The following ITGA3 variants were observed in gnomAD, a reference collection of about 807,000 sequenced individuals.
ITGA3 encodes the protein integrin subunit alpha 3.
A neutral mutation model predicts 131.1 loss-of-function variants in ITGA3; 70 were observed. The ratio of observed to expected loss-of-function variants is 0.53; its 90% CI spans 0.44 to 0.65. ITGA3 has a LOEUF of 0.65. Ranked by LOEUF, ITGA3 falls within the 30% of genes least tolerant of loss-of-function variation. ITGA3 has a pLI of 0.00. For missense variants in ITGA3, 1,098 were observed against 1,388.6 expected (o/e 0.79, Z 3.33); for synonymous variants, 537 against 571.6 (o/e 0.94, Z 0.86).
At position 50,089,228 on chromosome 17, in the gene ITGA3, G is replaced by A; in HGVS notation, c.*150G>A. 6.2e-7 allele frequency: 1 copy of A among 1,613,676 alleles called. No homozygotes were observed. Among genetic ancestry groups the A allele is most frequent in the Admixed American group, 1.7e-5 (1 of 60,018 alleles). ...AGCACCCTGCCCACCAAGAAGCACT[G>A]GGTGACCAGCTGGCAGACTCGGGAC... On this transcript the variant is annotated 3_prime_UTR_variant, in exon 26 of 26. Transcript: ENST00000320031.
At chr17:50,069,735 G>GAT (rs1908535928) in intron 4 of ITGA3, among the ~76,000 whole-genome samples, 1 of 152,054 alleles carries the variant, frequency 6.6e-6, no homozygotes, top group African/African-American at 2.4e-5. Context: ...TTTTCATGTT[G>GAT]ATATATATAG....
intron 24 of ITGA3, 63 bp from the exon 25 acceptor site, chr17:50,088,162 G>A: frequency 6.6e-7 from 1 of 1,511,000 alleles, no homozygotes; most frequent in Non-Finnish European, 8.9e-7. Flanking sequence ...GTCCACGAGT[G>A]CTGCTGGTGA....
Position 50,064,750 on chromosome 17 carries a change from T to C in ITGA3, c.414+143T>C, listed in dbSNP as rs1220713106. 1 of 629,100 alleles carries C rather than the reference T, an allele frequency of 1.6e-6. No homozygotes were observed. Among genetic ancestry groups the C allele is most frequent in the East Asian group, 2.9e-5 (1 of 34,386 alleles). 39.0% of individuals were successfully genotyped at this position (629,100 alleles called of 1,614,324 possible). A position where few individuals can be genotyped will look rare whatever the true frequency, so the allele number is the denominator to read the frequency against. Reference sequence around the variant, plus strand: ...GCACACATGTCCCTTCCTGTGGCTGTGTGTCCCTCGCTCTCTGCACTCCTG... The same window carrying C: ...GCACACATGTCCCTTCCTGTGGCTGCGTGTCCCTCGCTCTCTGCACTCCTG... On this transcript the variant is annotated intron_variant, in intron 3 of 25. Coordinates refer to ENST00000320031, the MANE Select transcript of ITGA3 (RefSeq NM_002204.4). The surrounding 1 kb of genome is among the most constrained non-coding windows in gnomAD (Gnocchi z 4.4).
At position 50,080,387 on chromosome 17, in the gene ITGA3, G is replaced by T; in HGVS notation, c.2820+12G>T. 1 of 1,532,496 alleles carries T rather than the reference G, an allele frequency of 6.5e-7. No individual in the cohort carries two copies. Among genetic ancestry groups the T allele is most frequent in the Non-Finnish European group, 9.0e-7 (1 of 1,110,496 alleles). The allele number at this position is 1,532,496 out of a possible 1,614,324, so 94.9% of individuals were successfully genotyped here. On this transcript the variant is annotated intron_variant, in intron 22 of 25. Coordinates refer to ENST00000320031, the MANE Select transcript of ITGA3 (RefSeq NM_002204.4). ...GCACCTTCATCGAGGTCAGTGCCTG[G>T]GTCTGAAGGTCTCTCCTACCATCCA...
intron 1 of ITGA3, among the ~76,000 whole-genome samples, chr17:50,061,832 G>A (rs141385308): frequency 0.011 from 1,641 of 152,252 alleles, 30 homozygotes; most frequent in African/African-American, 0.037. Flanking sequence ...CTGAGGTCAG[G>A]AGTTCGACAT....
chr17:50,064,017 G>A lies in ITGA3; in HGVS notation c.207-60G>A. ...TAAATGTATGTTGAATAAATAACAAGTTGTTCCAAGTGGGGCTTGGGGAGT... is the reference window on the plus strand; with the variant it reads ...TAAATGTATGTTGAATAAATAACAAATTGTTCCAAGTGGGGCTTGGGGAGT... On this transcript the variant is annotated intron_variant, in intron 1 of 25. Transcript: ENST00000320031. This position sits in a 1 kb window ranked among gnomAD's most constrained non-coding sequence, Gnocchi z 4.4. The A allele has an allele frequency of 6.3e-7, 1 of 1,586,880 alleles. No individual in the cohort carries two copies. Among genetic ancestry groups the A allele is most frequent in the South Asian group, 1.1e-5 (1 of 87,648 alleles).
rs1454108458 is a variant in ITGA3, at chr17:50,068,862, T to TTTA, written c.664+559_664+560insATT. ...TATTTATTTATTTATTTATTTATTTTTTTGAGACAGAGTCTCACTCTGTCA... is the reference window on the plus strand; with the variant it reads ...TATTTATTTATTTATTTATTTATTTTTTATTTGAGACAGAGTCTCACTCTGTCA... On this transcript the variant is annotated intron_variant, in intron 4 of 25. Transcript: ENST00000320031. Among the ~76,000 whole-genome samples, 258 of 115,106 alleles carry TTTA rather than the reference T, an allele frequency of 2.2e-3. 1 individual carries two copies. The highest frequency in any genetic ancestry group is 3.9e-3 in the Non-Finnish European group (193 of 49,966). 75.5% of individuals were successfully genotyped at this position (115,106 alleles called of 152,430 possible).
chr17:50,064,018 T>C lies in ITGA3; in HGVS notation c.207-59T>C, dbSNP rs779106011. ...AAATGTATGTTGAATAAATAACAAG[T>C]TGTTCCAAGTGGGGCTTGGGGAGTC... On this transcript the variant is annotated intron_variant, in intron 1 of 25. Transcript: ENST00000320031. This position sits in a 1 kb window ranked among gnomAD's most constrained non-coding sequence, Gnocchi z 4.4. 54 of 1,587,186 alleles carry C rather than the reference T, an allele frequency of 3.4e-5. No homozygotes were observed. Among genetic ancestry groups the C allele is most frequent in the Non-Finnish European group, 4.4e-5 (51 of 1,166,370 alleles).
rs181764373 is a variant in ITGA3 at position 50,073,741 on chromosome 17, G to T, written c.1157-175G>T. Among the ~76,000 whole-genome samples the T allele has an allele frequency of 1.1e-3, 162 of 152,254 alleles. 2 individuals carry two copies. The highest frequency in any genetic ancestry group is 1.4e-3 in the Admixed American group (21 of 15,296). On this transcript the variant is annotated intron_variant, in intron 7 of 25. Transcript: ENST00000320031. Reference sequence around the variant, plus strand: ...ATAGGAGGAAGCTGGGCTCCAGATGGTCCCAGTGTTCATCCTGAGCTGCAG... The same window carrying T: ...ATAGGAGGAAGCTGGGCTCCAGATGTTCCCAGTGTTCATCCTGAGCTGCAG...
chr17:50,069,429 A>C (rs368279186), intron 4 of ITGA3, among the ~76,000 whole-genome samples: 8 of 152,262 alleles, frequency 5.3e-5, no homozygotes, highest in African/African-American at 1.9e-4. Context: ...ACTTTGGAAA[A>C]CTGAGGTGGG....
Position 50,063,970 on chromosome 17 carries a change from G to A in ITGA3, c.207-107G>A, listed in dbSNP as rs55827079. The A allele has an allele frequency of 0.11, 159,233 of 1,443,118 alleles. 12,075 individuals are homozygous for A. Among genetic ancestry groups the A allele is most frequent in the East Asian group, 0.34 (13,606 of 40,400 alleles). 89.4% of individuals were successfully genotyped at this position (1,443,118 alleles called of 1,614,324 possible). ...CACTTCTGGAGGGCAGGAGCTGGGG[G>A]TCTCCTGGCACCAAGAATCTGTAAA... On this transcript the variant is annotated intron_variant, in intron 1 of 25. Coordinates refer to ENST00000320031, the MANE Select transcript of ITGA3 (RefSeq NM_002204.4).
In ITGA3 at chr17:50,089,912, C is replaced by A; in HGVS notation, c.*834C>A. 1 of 197,902 alleles carries A rather than the reference C, an allele frequency of 5.1e-6. No homozygotes were observed. Among genetic ancestry groups the A allele is most frequent in the Non-Finnish European group, 1.1e-5 (1 of 93,848 alleles). The allele number at this position is 197,902 out of a possible 1,614,324, so 12.3% of individuals were successfully genotyped here. A position where few individuals can be genotyped will look rare whatever the true frequency, so the allele number is the denominator to read the frequency against. ...ATCTCTGTGAAGCCTCTCTCCTTGG[C>A]CACAGACTGAACTCGCAGGGAATGC... On this transcript the variant is annotated 3_prime_UTR_variant, in exon 26 of 26. Coordinates refer to ENST00000320031, the MANE Select transcript of ITGA3 (RefSeq NM_002204.4).
intron 3 of ITGA3, among the ~76,000 whole-genome samples, chr17:50,066,835 A>G (rs767285217): frequency 1.3e-5 from 2 of 152,196 alleles, no homozygotes; most frequent in African/African-American, 2.4e-5. Flanking sequence ...TCAAACTTCA[A>G]TGAATTTTTA....
chr17:50,072,347 C>G (rs556246893), intron 7 of ITGA3, among the ~76,000 whole-genome samples, 165 bp downstream of exon 7: 4 of 152,272 alleles, frequency 2.6e-5, no homozygotes, highest in Admixed American at 6.5e-5. Flanking sequence ...AGAGGATGTG[C>G]AGATGTGCAG....
chr17:50,079,267 A>G lies in ITGA3; in HGVS notation c.2583+9A>G. 6.2e-7 allele frequency: 1 copy of G among 1,613,076 alleles called. No homozygotes were observed. Among genetic ancestry groups the G allele is most frequent in the Non-Finnish European group, 8.5e-7 (1 of 1,179,188 alleles). ...TCAACCTCACTCTTTCTGTAAGGAC[A>G]CTATCAGGGATATTTCATTTGCATG... On this transcript the variant is annotated intron_variant, in intron 20 of 25. Transcript: ENST00000320031.
chr17:50,081,985 A>G (rs141938294), intron 23 of ITGA3, among the ~76,000 whole-genome samples: 1 of 152,278 alleles, frequency 6.6e-6, no homozygotes, highest in East Asian at 1.9e-4. Context: ...GGCAGAAAAG[A>G]GAAGCAATGG....
intron 23 of ITGA3, among the ~76,000 whole-genome samples, chr17:50,082,108 C>T (rs1018724361): frequency 2.6e-5 from 4 of 152,172 alleles, no homozygotes; most frequent in African/African-American, 7.2e-5. Context: ...CCACCTCAGC[C>T]TCCTGAGTAG....
In ITGA3 at chr17:50,064,812, C is replaced by T. The variant is rs1245625337; in HGVS notation, c.414+205C>T. ...AGTATCCTGTGCTCTCCCAAACCCC[C>T]GCACGGCCTGAGTTCTCTGACTCAT... On this transcript the variant is annotated intron_variant, in intron 3 of 25. Transcript: ENST00000320031. This position sits in a 1 kb window ranked among gnomAD's most constrained non-coding sequence, Gnocchi z 4.4. 5 of 522,706 alleles carry T rather than the reference C, an allele frequency of 9.6e-6. No homozygotes were observed. Among genetic ancestry groups the T allele is most frequent in the South Asian group, 5.1e-5 (2 of 39,266 alleles). The allele number at this position is 522,706 out of a possible 1,614,324, so 32.4% of individuals were successfully genotyped here.
At chr17:50,070,290 G>C (rs1418390706) in intron 4 of ITGA3, among the ~76,000 whole-genome samples, 1 of 152,204 alleles carries the variant, frequency 6.6e-6, no homozygotes, top group Admixed American at 6.5e-5. Flanking sequence ...CTATGAGCAA[G>C]TCAACTTCCC....
Sources: gnomAD v4.1 joint callset for allele counts (sites outside exome capture counted in the v4.1 genomes callset) on GRCh38, gnomAD v4.1.1 for gene constraint, Gnocchi (gnomAD v3.1) non-coding constraint, MANE v1.5 for transcripts, NCBI Gene and HGNC (gene_info 2026-07-23, HGNC 2026-07-21) for gene names.